The following SRGAP3 variants were observed in gnomAD, a reference collection of about 807,000 sequenced individuals.
The protein encoded by SRGAP3 is SLIT-ROBO Rho GTPase-activating protein 3.
In SRGAP3, 39 loss-of-function variants were observed where a neutral mutation model predicts 121.1. The ratio of observed to expected loss-of-function variants is 0.32; its 90% CI spans 0.25 to 0.42. SRGAP3 has a LOEUF of 0.42. Ranked by LOEUF, SRGAP3 falls within the 10% of genes least tolerant of loss-of-function variation. SRGAP3 has a pLI of 1.00. For synonymous variants in SRGAP3, 601 were observed against 570.0 expected, an observed-to-expected ratio of 1.05 and a Z score of -0.77; for missense variants, 1,213 against 1,470.6, an observed-to-expected ratio of 0.82 and a Z score of 2.86.
chr3:9,178,853 G>A (rs561369702), intron 1 of SRGAP3, among the ~76,000 whole-genome samples: 1 of 152,272 alleles, frequency 6.6e-6, no homozygotes, highest in South Asian at 2.1e-4. Context: ...GATGTCTCTG[G>A]GTACTAATTT....
chr3:9,153,102 C>T (rs1408248926), intron 1 of SRGAP3, among the ~76,000 whole-genome samples: 2 of 152,122 alleles, frequency 1.3e-5, no homozygotes, highest in Non-Finnish European at 2.9e-5. Context: ...TGTAACGTTG[C>T]GTTTTATATC....
intron 3 of SRGAP3, among the ~76,000 whole-genome samples, chr3:9,296,716 A>G (rs1159271240): frequency 2.6e-5 from 4 of 152,230 alleles, no homozygotes; most frequent in African/African-American, 9.6e-5. Context: ...TATGTAAAAT[A>G]GGAAACATAA....
intron 1 of SRGAP3, among the ~76,000 whole-genome samples, chr3:9,203,551 G>A (rs867363269): frequency 6.6e-6 from 1 of 152,118 alleles, no homozygotes. Context: ...AGGAGAGATC[G>A]AGAACTCTTC....
chr3:9,289,261 A>G (rs1954833239), intron 3 of SRGAP3, among the ~76,000 whole-genome samples: 1 of 152,124 alleles, frequency 6.6e-6, no homozygotes, highest in Non-Finnish European at 1.5e-5. Flanking sequence ...ACATATTCGA[A>G]TACTTCTTTT....
intron 4 of SRGAP3, among the ~76,000 whole-genome samples, chr3:9,070,648 T>C (rs942636221): frequency 1.3e-5 from 2 of 151,736 alleles, no homozygotes; most frequent in East Asian, 1.9e-4. Flanking sequence ...GATGGGTAGA[T>C]AGATGGGAGA....
intron 3 of SRGAP3, among the ~76,000 whole-genome samples, chr3:9,091,675 G>A (rs561327909): frequency 4.6e-5 from 7 of 152,192 alleles, no homozygotes; most frequent in African/African-American, 1.7e-4. Context: ...AACAGTTAAC[G>A]GCTCACTCCC....
chr3:9,305,065 G>A (rs573737299), intron 3 of SRGAP3, among the ~76,000 whole-genome samples: 2 of 152,260 alleles, frequency 1.3e-5, no homozygotes, highest in Middle Eastern at 3.4e-3. Flanking sequence ...GGAAGCTGAC[G>A]CTAAGACAAA....
intron 10 of SRGAP3, 84 bp downstream of exon 10, chr3:9,047,307 G>A (rs1945336425): frequency 2.8e-6 from 4 of 1,423,742 alleles, no homozygotes; most frequent in Non-Finnish European, 3.9e-6. Flanking sequence ...TCTCAAGCCT[G>A]AACAGCTCAA....
chr3:9,255,553 G>A (rs977925821), intron 3 of SRGAP3, among the ~76,000 whole-genome samples: 3 of 152,202 alleles, frequency 2.0e-5, no homozygotes, highest in Non-Finnish European at 4.4e-5. Context: ...CCCCTGCTGG[G>A]GCCCCTGGCT....
chr3:9,077,433 G>A (rs941132333), intron 4 of SRGAP3, among the ~76,000 whole-genome samples: 28 of 152,136 alleles, frequency 1.8e-4, no homozygotes, highest in Non-Finnish European at 3.7e-4. Flanking sequence ...ACAAATGATC[G>A]AATTTAACTG....
At position 9,006,398 on chromosome 3, in the gene SRGAP3, CA is replaced by C. The variant is rs71049762; in HGVS notation, c.2227+3909del. ...CTGGCAACAGAGCGAGACTCTGTCT[CA>C]AAAAAAAAAAAAAAAGAAAAGAAAA... On this transcript the variant is annotated intron_variant, in intron 18 of 21. Transcript: ENST00000383836. 1.5e-3 allele frequency among the ~76,000 whole-genome samples: 182 copies of C among 122,978 alleles called. 2 individuals carry two copies. The highest frequency in any genetic ancestry group is 2.9e-3 in the African/African-American group (97 of 33,362). The allele number at this position is 122,978 out of a possible 152,430, so 80.7% of individuals were successfully genotyped here.
intron 13 of SRGAP3, 145 bp downstream of exon 13, chr3:9,026,790 A>T (rs1944228601): frequency 1.2e-6 from 1 of 862,480 alleles, no homozygotes; most frequent in African/African-American, 1.6e-5. Flanking sequence ...TCAGAAGAGC[A>T]GCTGCTGTGT....
At chr3:9,123,947 A>G (rs1481605695) in intron 2 of SRGAP3, among the ~76,000 whole-genome samples, 1 of 151,942 alleles carries the variant, frequency 6.6e-6, no homozygotes, top group East Asian at 1.9e-4. Flanking sequence ...AGCATGGCTG[A>G]AGGAGAGACA....
chr3:9,329,217 TG>T (rs1955565342), intron 2 of SRGAP3, among the ~76,000 whole-genome samples: 1 of 152,174 alleles, frequency 6.6e-6, no homozygotes, highest in African/African-American at 2.4e-5. Context: ...AGAAAAACAG[TG>T]ATTTTTACCA....
intron 3 of SRGAP3, chr3:9,257,039 T>C (rs1477646370): frequency 2.5e-6 from 1 of 394,772 alleles, no homozygotes; most frequent in East Asian, 3.6e-5. Context: ...TCTCCATCTG[T>C]CTACATTCTT....
chr3:9,348,980 C>T (rs946935188), intron 1 of SRGAP3: 2 of 916,490 alleles, frequency 2.2e-6, no homozygotes, highest in African/African-American at 3.2e-5. Context: ...GAAGCAGGTA[C>T]TAATTGCAGC....
In SRGAP3 at chr3:8,983,708, G is replaced by A. The variant is rs1393850504; in HGVS notation, c.*1811C>T. 1.7e-5 allele frequency: 4 copies of A among 230,256 alleles called. No homozygotes were observed. The highest frequency in any genetic ancestry group is 1.8e-4 in the South Asian group (1 of 5,502). The allele number at this position is 230,256 out of a possible 1,614,324, so 14.3% of individuals were successfully genotyped here. On this transcript the variant is annotated 3_prime_UTR_variant, in exon 22 of 22. Coordinates refer to ENST00000383836, the MANE Select transcript of SRGAP3 (RefSeq NM_014850.4). Reference sequence around the variant, plus strand: ...TACCTTACTAATGATAATCACAAACGCATTGTATTGATTCAGTGTTTTCCA... The same window carrying A: ...TACCTTACTAATGATAATCACAAACACATTGTATTGATTCAGTGTTTTCCA...
Position 8,985,426 on chromosome 3 carries a change from C to T in SRGAP3, c.*93G>A. On this transcript the variant is annotated 3_prime_UTR_variant, in exon 22 of 22. Transcript: ENST00000383836. This position sits in a 1 kb window ranked among gnomAD's most constrained non-coding sequence, Gnocchi z 5.1. ...CCAGACGGACCTCTGCCCTCCAAGGCCAGGGTCACTGGGAAGCACGTGGAA... is the reference window on the plus strand; with the variant it reads ...CCAGACGGACCTCTGCCCTCCAAGGTCAGGGTCACTGGGAAGCACGTGGAA... The T allele has an allele frequency of 6.4e-7, 1 of 1,569,186 alleles. No homozygotes were observed.
chr3:9,353,751 T>C (rs2030329515), intron 1 of SRGAP3, among the ~76,000 whole-genome samples: 1 of 152,236 alleles, frequency 6.6e-6, no homozygotes, highest in African/African-American at 2.4e-5. Context: ...AATAAGATTA[T>C]ATTAATAGAT....
Sources: gnomAD v4.1 joint callset for allele counts (sites outside exome capture counted in the v4.1 genomes callset) on GRCh38, gnomAD v4.1.1 for gene constraint, Gnocchi (gnomAD v3.1) non-coding constraint, MANE v1.5 for transcripts, NCBI Gene and HGNC (gene_info 2026-07-23, HGNC 2026-07-21) for gene names.